The following SORCS2 variants were observed in gnomAD, a reference collection of about 807,000 sequenced individuals.
SORCS2 encodes sortilin related VPS10 domain containing receptor 2, also known as VPS10 domain-containing receptor SorCS2.
SORCS2 carries 100 observed loss-of-function variants against 141.6 expected under a neutral mutation model. The observed-to-expected ratio is 0.71, with a 90% CI of 0.60 to 0.83. The LOEUF is 0.83. Among genes scored for constraint, SORCS2 ranks in the 40% least tolerant of loss-of-function variants. SORCS2 has a pLI of 0.00. For synonymous variants in SORCS2, 789 were observed against 676.9 expected (o/e 1.17, Z -2.57); for missense variants, 1,646 against 1,560.2 (o/e 1.05, Z -0.93).
intron 1 of SORCS2, among the ~76,000 whole-genome samples, chr4:7,222,924 C>T (rs1728796557): frequency 6.6e-6 from 1 of 152,138 alleles, no homozygotes; most frequent in Non-Finnish European, 1.5e-5. Context: ...CTCATTCACT[C>T]AAGAACACGC....
At chr4:7,397,546 G>A (rs796515928) in intron 2 of SORCS2, among the ~76,000 whole-genome samples, 16 of 152,172 alleles carry the variant, frequency 1.1e-4, no homozygotes, top group African/African-American at 3.1e-4. Flanking sequence ...GTGATGGGTC[G>A]TATCCCTGTG....
chr4:7,432,900 C>T (rs915956586), intron 2 of SORCS2: 3 of 159,468 alleles, frequency 1.9e-5, no homozygotes, highest in South Asian at 2.0e-4. Context: ...GATGGGCCCT[C>T]GAAGCCTCCG....
intron 18 of SORCS2, among the ~76,000 whole-genome samples, chr4:7,718,855 C>T (rs1420344826): frequency 6.6e-6 from 1 of 152,240 alleles, no homozygotes; most frequent in Middle Eastern, 3.2e-3. Flanking sequence ...TCCGTGGTAA[C>T]AACTGTTAGT....
At chr4:7,405,207 G>C (rs180676979) in intron 2 of SORCS2, among the ~76,000 whole-genome samples, 88 of 152,098 alleles carry the variant, frequency 5.8e-4, no homozygotes, top group Non-Finnish European at 1.0e-3. Context: ...TGTTCCATTG[G>C]TTTATGTGTC....
intron 3 of SORCS2, among the ~76,000 whole-genome samples, chr4:7,635,509 C>T (rs1408255798): frequency 1.3e-5 from 2 of 152,192 alleles, no homozygotes; most frequent in Non-Finnish European, 2.9e-5. Context: ...AAAATTATAC[C>T]TATTTGTCCA....
intron 2 of SORCS2, among the ~76,000 whole-genome samples, chr4:7,408,172 T>C (rs191601434): frequency 6.6e-6 from 1 of 152,050 alleles, no homozygotes; most frequent in Non-Finnish European, 1.5e-5. Flanking sequence ...CAATGGATTC[T>C]AAACCTTCAG....
intron 2 of SORCS2, among the ~76,000 whole-genome samples, chr4:7,481,101 C>G (rs758912478): frequency 2.0e-5 from 3 of 152,236 alleles, no homozygotes; most frequent in African/African-American, 4.8e-5. Flanking sequence ...AGTGGCCCTG[C>G]CTGGAGGGCC....
chr4:7,510,554 G>A (rs975434119), intron 2 of SORCS2, among the ~76,000 whole-genome samples: 1 of 151,896 alleles, frequency 6.6e-6, no homozygotes, highest in African/African-American at 2.4e-5. Context: ...TTCTGTGCGC[G>A]GCATGTCCAG....
intron 2 of SORCS2, among the ~76,000 whole-genome samples, chr4:7,483,008 T>A (rs1203366509): frequency 6.6e-6 from 1 of 152,112 alleles, no homozygotes; most frequent in Non-Finnish European, 1.5e-5. Flanking sequence ...CCCTAAATCC[T>A]ATGACTGATG....
intron 10 of SORCS2, 31 bp downstream of exon 10, chr4:7,682,920 C>G (rs1176882445): frequency 6.2e-7 from 1 of 1,603,100 alleles, no homozygotes; most frequent in Non-Finnish European, 8.5e-7. Flanking sequence ...CACACACCAT[C>G]CTTGGCGTGG....
chr4:7,227,795 G>A (rs984926713), intron 1 of SORCS2, among the ~76,000 whole-genome samples: 1 of 152,150 alleles, frequency 6.6e-6, no homozygotes, highest in African/African-American at 2.4e-5. Flanking sequence ...ACGCAGTTTT[G>A]TGGCTGTGGT....
chr4:7,706,084 T>G (rs1274376346), intron 14 of SORCS2, among the ~76,000 whole-genome samples: 3 of 141,988 alleles, frequency 2.1e-5, no homozygotes, highest in Admixed American at 1.4e-4. Context: ...GGGCTCTGCC[T>G]GGACAGAGAT....
chr4:7,300,439 C>A (rs1014694222), intron 1 of SORCS2, among the ~76,000 whole-genome samples: 1 of 152,104 alleles, frequency 6.6e-6, no homozygotes, highest in Non-Finnish European at 1.5e-5. Flanking sequence ...AGCTTCTGCA[C>A]CACTCTCACC....
intron 12 of SORCS2, among the ~76,000 whole-genome samples, chr4:7,700,692 C>T (rs1363037424): frequency 6.6e-6 from 1 of 152,198 alleles, no homozygotes; most frequent in African/African-American, 2.4e-5. Context: ...TGACAACTCC[C>T]CTGCCCCCGC....
At chr4:7,602,782 C>T (rs1251873558) in intron 3 of SORCS2, among the ~76,000 whole-genome samples, 5 of 152,186 alleles carry the variant, frequency 3.3e-5, no homozygotes, top group South Asian at 2.1e-4. Flanking sequence ...GCTGCAATCT[C>T]GGCACTTTGG....
intron 1 of SORCS2, among the ~76,000 whole-genome samples, chr4:7,388,256 G>T (rs1393324706): frequency 1.3e-5 from 2 of 152,168 alleles, no homozygotes; most frequent in Non-Finnish European, 2.9e-5. Context: ...GTGACTGGGA[G>T]GACAAACAAA....
chr4:7,522,408 G>A (rs78461790), intron 2 of SORCS2, among the ~76,000 whole-genome samples: 5,523 of 152,296 alleles, frequency 0.036, 292 homozygotes, highest in African/African-American at 0.12. Flanking sequence ...GTTTCTATTT[G>A]CCCGTTTTTA....
intron 2 of SORCS2, among the ~76,000 whole-genome samples, chr4:7,420,047 C>T (rs1285083687): frequency 1.3e-5 from 2 of 152,148 alleles, no homozygotes; most frequent in African/African-American, 4.8e-5. Context: ...TCTAGCAGGC[C>T]GGGGAGACAA....
At chr4:7,360,466 G>A (rs548444088) in intron 1 of SORCS2, among the ~76,000 whole-genome samples, 1 of 151,466 alleles carries the variant, frequency 6.6e-6, no homozygotes, top group South Asian at 2.1e-4. Flanking sequence ...TCCTGGGATG[G>A]CTCTCCCTGA....
Sources: allele counts gnomAD v4.1 joint callset (sites outside exome capture counted in the v4.1 genomes callset), GRCh38; gene constraint gnomAD v4.1.1; transcripts MANE v1.5; gene names NCBI Gene and HGNC (gene_info 2026-07-23, HGNC 2026-07-21).